MPZL1: variants seen among roughly 807,000 people sequenced by gnomAD.
The protein encoded by MPZL1 is myelin protein zero like 1, also known as myelin protein zero-like protein 1.
In MPZL1, 16 loss-of-function variants were observed where a neutral mutation model predicts 29.3. The observed-to-expected ratio is 0.55, with a 90% confidence interval of 0.37 to 0.83. The LOEUF is 0.83. Ranked by LOEUF, MPZL1 falls within the 40% of genes least tolerant of loss-of-function variation. The pLI is 0.00. For synonymous variants in MPZL1, 143 were observed against 132.0 expected (o/e 1.08, Z -0.57); for missense variants, 279 against 332.9 (o/e 0.84, Z 1.26).
intron 5 of MPZL1, among the ~76,000 whole-genome samples, chr1:167,779,987 C>T (rs534751793): frequency 9.2e-5 from 14 of 152,166 alleles, no homozygotes; most frequent in South Asian, 2.1e-4. Flanking sequence ...GATGATAAAG[C>T]GATCTACTTA....
intron 5 of MPZL1, among the ~76,000 whole-genome samples, chr1:167,783,508 A>G (rs1377186450): frequency 2.0e-5 from 3 of 152,216 alleles, no homozygotes; most frequent in Non-Finnish European, 4.4e-5. Flanking sequence ...TGAATGGAAT[A>G]TTTATGTATT....
intron 1 of MPZL1, among the ~76,000 whole-genome samples, chr1:167,724,954 T>C (rs1660111381): frequency 6.6e-6 from 1 of 151,840 alleles, no homozygotes; most frequent in Admixed American, 6.6e-5. Flanking sequence ...ACCAGGTGAG[T>C]TTGGTATTTC....
chr1:167,780,162 G>A (rs1398375257), intron 5 of MPZL1, among the ~76,000 whole-genome samples: 3 of 152,160 alleles, frequency 2.0e-5, no homozygotes, highest in Non-Finnish European at 4.4e-5. Context: ...TAATCCAAAA[G>A]TGAGCAGGAA....
intron 5 of MPZL1, among the ~76,000 whole-genome samples, chr1:167,779,414 A>C (rs1473062701): frequency 2.0e-5 from 3 of 151,640 alleles, no homozygotes; most frequent in Non-Finnish European, 4.4e-5. Flanking sequence ...GCAAAACCCC[A>C]TCTCTCCTAA....
intron 1 of MPZL1, among the ~76,000 whole-genome samples, chr1:167,728,021 C>T (rs1380105226): frequency 6.6e-6 from 1 of 151,072 alleles, no homozygotes; most frequent in East Asian, 1.9e-4. Flanking sequence ...GCATAAGCCA[C>T]CACGCCCAAC....
Position 167,787,805 on chromosome 1 carries a change from G to T in MPZL1, c.709-15G>T, listed in dbSNP as rs754786617. On this transcript the variant is annotated splice_polypyrimidine_tract_variant and intron_variant, in intron 5 of 5. Transcript: ENST00000359523. ...GCGTTTTCAGTCCTCTAATCCTTCT[G>T]CTTCCCTTTTCCAGGGCCCAGTCAT... is the stretch of plus-strand genomic sequence containing the variant. 3.3e-5 allele frequency: 53 copies of T among 1,590,910 alleles called. No individual in the cohort carries two copies. The South Asian group carries it at 5.7e-4, about 17-fold the overall frequency.
At chr1:167,787,718 T>C (rs1661618018) in intron 5 of MPZL1, 102 bp from the exon 6 acceptor site, 1 of 809,916 alleles carries the variant, frequency 1.2e-6, no homozygotes, top group Non-Finnish European at 2.0e-6. Flanking sequence ...AGTCTTTGCT[T>C]TGGAACCCTG....
intron 1 of MPZL1, among the ~76,000 whole-genome samples, chr1:167,760,167 G>A (rs928238762): frequency 4.6e-5 from 7 of 152,152 alleles, no homozygotes; most frequent in Non-Finnish European, 8.8e-5. Flanking sequence ...AAATGAGGCA[G>A]AGAGAGATCA....
intron 1 of MPZL1, among the ~76,000 whole-genome samples, chr1:167,745,756 A>G (rs1660633942): frequency 6.6e-6 from 1 of 152,090 alleles, no homozygotes; most frequent in Non-Finnish European, 1.5e-5. Context: ...AAATTTGGGT[A>G]AAATTCAGAG....
intron 1 of MPZL1, among the ~76,000 whole-genome samples, chr1:167,730,798 A>T (rs1343963662): frequency 6.6e-6 from 1 of 152,126 alleles, no homozygotes; most frequent in Non-Finnish European, 1.5e-5. Flanking sequence ...GACTCCTGGC[A>T]TGCTTGCCTT....
At chr1:167,768,960 G>A (rs2101786191) in intron 2 of MPZL1, among the ~76,000 whole-genome samples, 1 of 152,340 alleles carries the variant, frequency 6.6e-6, no homozygotes, top group South Asian at 2.1e-4. Context: ...GTGAAGAAGA[G>A]AGAGTGAAGA....
At chr1:167,778,863 T>C (rs1232933640) in intron 5 of MPZL1, among the ~76,000 whole-genome samples, 1 of 150,628 alleles carries the variant, frequency 6.6e-6, no homozygotes, top group African/African-American at 2.4e-5. Context: ...CTTGAAGACA[T>C]AGCAATAGAA....
At chr1:167,733,941 G>C (rs1392057573) in intron 1 of MPZL1, among the ~76,000 whole-genome samples, 3 of 151,854 alleles carry the variant, frequency 2.0e-5, no homozygotes, top group Non-Finnish European at 4.4e-5. Context: ...ACTCACAGGT[G>C]AGTAAGTAGA....
chr1:167,761,104 GGAGA>G (rs1558118893), intron 1 of MPZL1, among the ~76,000 whole-genome samples: 1 of 152,144 alleles, frequency 6.6e-6, no homozygotes. Flanking sequence ...ATGGAGTAAC[GGAGA>G]TGAAAGCCTA....
At chr1:167,773,083 A>G (rs1661285612) in intron 3 of MPZL1, among the ~76,000 whole-genome samples, 153 bp from the exon 4 acceptor site, 1 of 152,234 alleles carries the variant, frequency 6.6e-6, no homozygotes, top group South Asian at 2.1e-4. Flanking sequence ...TGAATTACAT[A>G]GTAATAGGAT....
chr1:167,777,090 C>T (rs1218228610), intron 5 of MPZL1, among the ~76,000 whole-genome samples: 1 of 152,174 alleles, frequency 6.6e-6, no homozygotes, highest in Non-Finnish European at 1.5e-5. Flanking sequence ...CAGCATCAGG[C>T]TCATTACTTG....
At chr1:167,786,086 C>A (rs536644505) in intron 5 of MPZL1, among the ~76,000 whole-genome samples, 1 of 152,374 alleles carries the variant, frequency 6.6e-6, no homozygotes, top group South Asian at 2.1e-4. Context: ...AGCCACCACA[C>A]CCGGCCGAAA....
chr1:167,758,036 C>T (rs1162695027), intron 1 of MPZL1, among the ~76,000 whole-genome samples: 1 of 151,934 alleles, frequency 6.6e-6, no homozygotes, highest in African/African-American at 2.4e-5. Flanking sequence ...CCCCTGTGGT[C>T]CCAGCTATTC....
intron 5 of MPZL1, 28 bp from the exon 6 acceptor site, chr1:167,787,792 C>A (rs1349441499): frequency 5.8e-6 from 9 of 1,558,444 alleles, no homozygotes; most frequent in Non-Finnish European, 7.1e-6. Flanking sequence ...GTTTTCAGTC[C>A]TCTAATCCTT....
Sources: allele counts gnomAD v4.1 joint callset (sites outside exome capture counted in the v4.1 genomes callset), GRCh38; gene constraint gnomAD v4.1.1; transcripts MANE v1.5; gene names NCBI Gene and HGNC (gene_info 2026-07-23, HGNC 2026-07-21).